PINX1: variants seen among roughly 807,000 people sequenced by gnomAD.
The protein encoded by PINX1 is PIN2/TERF1-interacting telomerase inhibitor 1.
A neutral mutation model predicts 25.4 loss-of-function variants in PINX1; 34 were observed. The ratio of observed to expected loss-of-function variants is 1.34; its 90% CI spans 1.02 to 1.78. The LOEUF (loss-of-function observed/expected upper bound fraction) is 1.78. PINX1 is among the 40% of genes most tolerant of loss of function. The pLI is 0.00. For missense variants in PINX1, 592 were observed against 404.9 expected, an observed-to-expected ratio of 1.46 and a Z score of -3.97; for synonymous variants, 197 against 147.7, an observed-to-expected ratio of 1.33 and a Z score of -2.42.
Position 10,831,729 on chromosome 8 carries a change from G to A in PINX1, c.237C>T (p.Ala79=). The change falls in exon 4 of 7, where the codon GCC becomes GCT. Residue 79 remains alanine, a synonymous_variant. Coordinates refer to ENST00000314787, the MANE Select transcript of PINX1 (RefSeq NM_017884.6). ...GAAGCTGGTTAAAATCATCCTGATG[G>A]GCAATCCAGTTGTCCTGAAAATATC... The part of the protein sequence containing the change: ...ATINNEDNWI[A]HQDDFNQLLA... 1 of 1,591,820 alleles carries A rather than the reference G, an allele frequency of 6.3e-7. No individual in the cohort carries two copies. Among genetic ancestry groups the A allele is most frequent in the Non-Finnish European group, 8.6e-7 (1 of 1,166,096 alleles).
intron 6 of PINX1, among the ~76,000 whole-genome samples, chr8:10,792,601 T>C (rs988101732): frequency 2.0e-5 from 3 of 151,816 alleles, no homozygotes; most frequent in East Asian, 1.9e-4. Context: ...CAAACAGAAA[T>C]ACTCTCAGGA....
chr8:10,800,438 G>T (rs549158818), intron 6 of PINX1, among the ~76,000 whole-genome samples: 1 of 152,066 alleles, frequency 6.6e-6, no homozygotes, highest in Admixed American at 6.5e-5. Flanking sequence ...CAATAGAATG[G>T]AGTTTATTTA....
intron 6 of PINX1, among the ~76,000 whole-genome samples, chr8:10,789,174 G>C (rs1801844347): frequency 6.6e-6 from 1 of 152,238 alleles, no homozygotes; most frequent in East Asian, 1.9e-4. Context: ...CCTTCTCCAA[G>C]GCTGACGGTA....
chr8:10,789,467 C>G (rs1468423924), intron 6 of PINX1, among the ~76,000 whole-genome samples: 1 of 152,158 alleles, frequency 6.6e-6, no homozygotes, highest in Non-Finnish European at 1.5e-5. Flanking sequence ...TAGCAAATTT[C>G]GAGTACACAG....
At chr8:10,816,800 T>C (rs1586188818) in intron 6 of PINX1, among the ~76,000 whole-genome samples, 1 of 150,750 alleles carries the variant, frequency 6.6e-6, no homozygotes, top group Non-Finnish European at 1.5e-5. Context: ...TGCTGTATTA[T>C]CGGAGAAAGG....
chr8:10,829,400 C>G (rs1026904408), intron 4 of PINX1, among the ~76,000 whole-genome samples: 1 of 151,928 alleles, frequency 6.6e-6, no homozygotes, highest in Non-Finnish European at 1.5e-5. Context: ...TCTAGATTTG[C>G]CAGCCACACT....
At chr8:10,804,825 T>A (rs1214369224) in intron 6 of PINX1, among the ~76,000 whole-genome samples, 1 of 151,920 alleles carries the variant, frequency 6.6e-6, no homozygotes, top group East Asian at 1.9e-4. Context: ...TTATTAAAAA[T>A]GTGCTTAGTG....
At chr8:10,788,321 G>C (rs940418939) in intron 6 of PINX1, among the ~76,000 whole-genome samples, 6 of 152,134 alleles carry the variant, frequency 3.9e-5, no homozygotes, top group Non-Finnish European at 7.3e-5. Flanking sequence ...CAGCACTCTG[G>C]GAGGCCAAGG....
At chr8:10,820,406 C>T (rs1228493391) in intron 5 of PINX1, 137 bp from the exon 6 acceptor site, 5 of 691,658 alleles carry the variant, frequency 7.2e-6, no homozygotes, top group South Asian at 1.6e-5. Flanking sequence ...TGACTTTCTA[C>T]CCACTTTTTC....
intron 5 of PINX1, 76 bp downstream of exon 5, chr8:10,826,076 C>A (rs560423806): frequency 2.2e-4 from 164 of 755,614 alleles, no homozygotes; most frequent in Non-Finnish European, 1.5e-4. Flanking sequence ...GCTATTGGCC[C>A]AGAGCTAAAA....
At chr8:10,787,384 A>T (rs1187704237) in intron 6 of PINX1, 1 of 166,914 alleles carries the variant, frequency 6.0e-6, no homozygotes, top group Non-Finnish European at 1.3e-5. Flanking sequence ...ATGGACCACC[A>T]CACTCAGCTA....
At chr8:10,773,828 A>T (rs1801304972) in intron 6 of PINX1, among the ~76,000 whole-genome samples, 1 of 152,178 alleles carries the variant, frequency 6.6e-6, no homozygotes, top group Admixed American at 6.5e-5. Context: ...GAGGAAAGAG[A>T]AAGAGGAGCA....
intron 6 of PINX1, among the ~76,000 whole-genome samples, chr8:10,793,521 C>G (rs544911997): frequency 3.3e-4 from 50 of 152,328 alleles, no homozygotes; most frequent in African/African-American, 1.2e-3. Context: ...GGGCCACATT[C>G]AAAGCCGCCC....
intron 6 of PINX1, among the ~76,000 whole-genome samples, chr8:10,784,193 CAG>C (rs1324049894): frequency 6.6e-6 from 1 of 152,182 alleles, no homozygotes; most frequent in African/African-American, 2.4e-5. Context: ...AGGGAGGACA[CAG>C]GGGATGAGAG....
At chr8:10,801,771 C>T (rs1802270452) in intron 6 of PINX1, among the ~76,000 whole-genome samples, 1 of 152,196 alleles carries the variant, frequency 6.6e-6, no homozygotes, top group Non-Finnish European at 1.5e-5. Context: ...TCTAACCTGG[C>T]TCCTGGATGC....
At chr8:10,831,597 TA>T in intron 4 of PINX1, 67 bp downstream of exon 4, 1 of 975,240 alleles carries the variant, frequency 1.0e-6, no homozygotes, top group Non-Finnish European at 1.6e-6. Flanking sequence ...CTAAAAATAA[TA>T]AAAGCAAAAA....
At chr8:10,777,525 G>A (rs1801430690) in intron 6 of PINX1, among the ~76,000 whole-genome samples, 1 of 152,186 alleles carries the variant, frequency 6.6e-6, no homozygotes, top group South Asian at 2.1e-4. Flanking sequence ...GGCTGGCAAT[G>A]AACGAAGCTA....
At chr8:10,835,608 A>G (rs1215239980) in intron 1 of PINX1, among the ~76,000 whole-genome samples, 2 of 152,128 alleles carry the variant, frequency 1.3e-5, no homozygotes, top group Non-Finnish European at 2.9e-5. Context: ...AGGGCTATTT[A>G]TATCCGCCTT....
chr8:10,807,650 C>A (rs1288064102), intron 6 of PINX1, among the ~76,000 whole-genome samples: 2 of 152,082 alleles, frequency 1.3e-5, no homozygotes, highest in Non-Finnish European at 2.9e-5. Context: ...AGAACTGCAA[C>A]AATGGCTATC....
Sources: gnomAD v4.1 joint callset for allele counts (sites outside exome capture counted in the v4.1 genomes callset) on GRCh38, gnomAD v4.1.1 for gene constraint, MANE v1.5 for transcripts, NCBI Gene and HGNC (gene_info 2026-07-23, HGNC 2026-07-21) for gene names.